The following DENND1A variants were observed in gnomAD, a reference collection of about 807,000 sequenced individuals.
The protein encoded by DENND1A is DENN domain-containing protein 1A.
Under a neutral mutation model 113.7 loss-of-function variants are expected in DENND1A, and 51 were observed. That is an observed-to-expected ratio of 0.45 (90% CI 0.36 to 0.57). The LOEUF (loss-of-function observed/expected upper bound fraction) is 0.57, where lower values mean the gene tolerates loss of function less well. Ranked by LOEUF, DENND1A falls within the 20% of genes least tolerant of loss-of-function variation. The pLI, the probability that DENND1A is intolerant of heterozygous loss-of-function variation, is 0.00. For missense variants in DENND1A, 1,258 were observed against 1,395.9 expected, an observed-to-expected ratio of 0.90 and a Z score of 1.57; for synonymous variants, 565 against 570.8, an observed-to-expected ratio of 0.99 and a Z score of 0.14.
At chr9:123,493,819 C>G (rs957707669) in intron 13 of DENND1A, among the ~76,000 whole-genome samples, 11 of 152,200 alleles carry the variant, frequency 7.2e-5, no homozygotes, top group South Asian at 6.2e-4. Context: ...CACGCTGAAG[C>G]ACCAGGCGAC....
Position 123,661,006 on chromosome 9 carries a change from T to C in DENND1A, c.507+6020A>G, listed in dbSNP as rs568698321. Reference sequence around the variant, plus strand: ...TCCTACGATGTATAAAACAGCCCCATTCAACAAAGAATGATCTGGCCCAAG... The same window carrying C: ...TCCTACGATGTATAAAACAGCCCCACTCAACAAAGAATGATCTGGCCCAAG... On this transcript the variant is annotated intron_variant, in intron 8 of 23. Coordinates refer to ENST00000394215, the MANE Select transcript of DENND1A (RefSeq NM_001352964.2). Among the ~76,000 whole-genome samples, 152 of 152,302 alleles carry C rather than the reference T, an allele frequency of 1.0e-3. 1 individual carries two copies. Among genetic ancestry groups the C allele is most frequent in the Middle Eastern group, 3.4e-3 (1 of 294 alleles).
At chr9:123,756,538 A>T (rs2070566052) in intron 5 of DENND1A, among the ~76,000 whole-genome samples, 1 of 152,220 alleles carries the variant, frequency 6.6e-6, no homozygotes, top group African/African-American at 2.4e-5. Flanking sequence ...AAGCCTCCCC[A>T]GCAGTCATCC....
intron 9 of DENND1A, among the ~76,000 whole-genome samples, chr9:123,637,617 G>T (rs1260810965): frequency 6.6e-6 from 1 of 152,138 alleles, no homozygotes; most frequent in African/African-American, 2.4e-5. Flanking sequence ...TGTAGTTACT[G>T]TATTTAGTGG....
chr9:123,658,431 C>T (rs747358999), intron 8 of DENND1A, among the ~76,000 whole-genome samples: 13 of 151,994 alleles, frequency 8.6e-5, no homozygotes, highest in Non-Finnish European at 1.5e-4. Context: ...TAATTATTGC[C>T]TGCATAAAAT....
At chr9:123,745,512 C>T (rs993073839) in intron 5 of DENND1A, among the ~76,000 whole-genome samples, 1 of 152,166 alleles carries the variant, frequency 6.6e-6, no homozygotes, top group Non-Finnish European at 1.5e-5. Context: ...CTGAAGGAAA[C>T]AATTTGGCAT....
intron 2 of DENND1A, among the ~76,000 whole-genome samples, chr9:123,823,611 T>G (rs1196159341): frequency 6.6e-6 from 1 of 152,210 alleles, no homozygotes; most frequent in Non-Finnish European, 1.5e-5. Context: ...AGATCCCATG[T>G]GTCTTCCAAA....
chr9:123,682,927 C>A (rs982259797), intron 5 of DENND1A, among the ~76,000 whole-genome samples: 5 of 152,122 alleles, frequency 3.3e-5, no homozygotes, highest in Non-Finnish European at 7.4e-5. Context: ...CCAGAATGGG[C>A]AGGAAAACAG....
chr9:123,893,175 T>C (rs1478911295), intron 1 of DENND1A, among the ~76,000 whole-genome samples: 2 of 151,576 alleles, frequency 1.3e-5, no homozygotes, highest in Non-Finnish European at 2.9e-5. Context: ...AAGATAGATA[T>C]GATTATCATC....
chr9:123,904,593 C>T (rs1588169860), intron 1 of DENND1A, among the ~76,000 whole-genome samples: 1 of 147,646 alleles, frequency 6.8e-6, no homozygotes, highest in African/African-American at 2.6e-5. Context: ...GGAGCCGATG[C>T]AATCAACTGG....
intron 2 of DENND1A, among the ~76,000 whole-genome samples, chr9:123,804,407 G>A (rs1044341967): frequency 5.3e-5 from 8 of 152,096 alleles, no homozygotes; most frequent in Non-Finnish European, 1.0e-4. Context: ...TTCTTCAGGC[G>A]GCTTCCAAAG....
At chr9:123,501,200 C>T (rs569049538) in intron 13 of DENND1A, among the ~76,000 whole-genome samples, 1 of 152,320 alleles carries the variant, frequency 6.6e-6, no homozygotes, top group East Asian at 1.9e-4. Flanking sequence ...ACTATTCGTT[C>T]TTCTGTGACT....
chr9:123,902,916 C>T (rs1588157691), intron 1 of DENND1A, among the ~76,000 whole-genome samples: 1 of 147,400 alleles, frequency 6.8e-6, no homozygotes, highest in Admixed American at 6.8e-5. Flanking sequence ...AAACATAAAA[C>T]AAAATATTAG....
At chr9:123,550,105 A>C (rs768539585) in intron 13 of DENND1A, among the ~76,000 whole-genome samples, 8 of 152,152 alleles carry the variant, frequency 5.3e-5, no homozygotes, top group Non-Finnish European at 1.5e-5. Context: ...TGCGTCCTCC[A>C]GGGGTTTTAG....
At chr9:123,536,709 T>A (rs796642605) in intron 13 of DENND1A, among the ~76,000 whole-genome samples, 9 of 151,410 alleles carry the variant, frequency 5.9e-5, no homozygotes, top group African/African-American at 2.2e-4. Context: ...GGGTCCACAA[T>A]GGGGAGAAAC....
chr9:123,542,588 C>T (rs1356386261), intron 13 of DENND1A, among the ~76,000 whole-genome samples: 1 of 152,164 alleles, frequency 6.6e-6, no homozygotes, highest in Non-Finnish European at 1.5e-5. Flanking sequence ...GTTCCCTGGG[C>T]TCCCAGATCA....
At chr9:123,490,299 A>G (rs981341686) in intron 13 of DENND1A, among the ~76,000 whole-genome samples, 3 of 152,192 alleles carry the variant, frequency 2.0e-5, no homozygotes, top group South Asian at 2.1e-4. Flanking sequence ...AAACAGGAAT[A>G]TATCAGCCAG....
chr9:123,905,369 A>G (rs1242944377), intron 1 of DENND1A, among the ~76,000 whole-genome samples: 1 of 148,668 alleles, frequency 6.7e-6, no homozygotes, highest in Non-Finnish European at 1.5e-5. Context: ...TTAACTTTAA[A>G]TGTAAATGGA....
At chr9:123,850,058 A>C (rs1279546529) in intron 2 of DENND1A, among the ~76,000 whole-genome samples, 1 of 152,272 alleles carries the variant, frequency 6.6e-6, no homozygotes. Flanking sequence ...AACATTGTTG[A>C]AATGACAAGA....
At chr9:123,384,055 G>T in intron 22 of DENND1A, 142 bp from the exon 23 acceptor site, 1 of 1,164,164 alleles carries the variant, frequency 8.6e-7, no homozygotes, top group Non-Finnish European at 1.2e-6. Flanking sequence ...GTCTCCGTGA[G>T]GGCAGGAGTC....
Sources: allele counts gnomAD v4.1 joint callset (sites outside exome capture counted in the v4.1 genomes callset), GRCh38; gene constraint gnomAD v4.1.1; transcripts MANE v1.5; gene names NCBI Gene and HGNC (gene_info 2026-07-23, HGNC 2026-07-21).